Variants in MIPOL1 observed in about 807,000 individuals in gnomAD.
MIPOL1 encodes mirror-image polydactyly gene 1 protein.
Under a neutral mutation model 60.9 loss-of-function variants are expected in MIPOL1, and 57 were observed. That is an observed-to-expected ratio of 0.94 (90% confidence interval 0.76 to 1.17). MIPOL1 has a LOEUF of 1.17. Ranked by LOEUF, MIPOL1 falls within the 50% of genes most tolerant of loss-of-function variation. The probability of loss-of-function intolerance (pLI) is 0.00; values close to 1 mark genes in which losing one functional copy is unlikely to be tolerated. For synonymous variants in MIPOL1, 179 were observed against 168.8 expected (o/e 1.06, Z -0.47); for missense variants, 551 against 511.6 (o/e 1.08, Z -0.74).
At chr14:37,469,334 G>T (rs1291594189) in intron 11 of MIPOL1, among the ~76,000 whole-genome samples, 1 of 152,024 alleles carries the variant, frequency 6.6e-6, no homozygotes, top group African/African-American at 2.4e-5. Context: ...GAGAGCAGGG[G>T]GGTGCTACAT....
intron 9 of MIPOL1, among the ~76,000 whole-genome samples, chr14:37,332,937 G>A (rs560281213): frequency 3.6e-4 from 55 of 152,264 alleles, no homozygotes; most frequent in Non-Finnish European, 5.7e-4. Flanking sequence ...TTGTGGAGAT[G>A]AGTAGCATCC....
Position 37,547,061 on chromosome 14 carries a change from A to ACG in MIPOL1, c.*90_*91insCG. 1 of 1,114,088 alleles carries ACG rather than the reference A, an allele frequency of 9.0e-7. No individual in the cohort carries two copies. The highest frequency in any genetic ancestry group is 1.3e-6 in the Non-Finnish European group (1 of 746,506). The allele number at this position is 1,114,088 out of a possible 1,614,324, so 69.0% of individuals were successfully genotyped here. The stretch of plus-strand genomic sequence containing the variant: ...TGTGTAAACACCAAAGCCTTAACTT[A>ACG]GCAAACAGTTGTTAGAAGTGGGACA... On this transcript the variant is annotated 3_prime_UTR_variant, in exon 13 of 13. Transcript: ENST00000684589.
At chr14:37,220,325 G>A (rs185959251) in intron 1 of MIPOL1, among the ~76,000 whole-genome samples, 5 of 152,062 alleles carry the variant, frequency 3.3e-5, no homozygotes, top group Non-Finnish European at 2.9e-5. Context: ...TTTAAACATC[G>A]AAATTCCTTC....
intron 9 of MIPOL1, among the ~76,000 whole-genome samples, chr14:37,316,028 A>ATT (rs1567432187): frequency 1.9e-4 from 4 of 21,538 alleles, no homozygotes; most frequent in African/African-American, 5.0e-4. Context: ...TTATTTATTT[A>ATT]ATTTTTTTTT....
chr14:37,240,078 G>A (rs75337601), intron 1 of MIPOL1, among the ~76,000 whole-genome samples: 5,207 of 152,198 alleles, frequency 0.034, 230 homozygotes, highest in East Asian at 0.24. Flanking sequence ...GGAGTGTAGT[G>A]TGCAATTATG....
chr14:37,289,043 A>G (rs2084828799), intron 7 of MIPOL1, among the ~76,000 whole-genome samples: 1 of 152,210 alleles, frequency 6.6e-6, no homozygotes, highest in African/African-American at 2.4e-5. Flanking sequence ...TTTTATAGCC[A>G]AAGTGTGCCC....
chr14:37,310,347 A>G (rs2087210889), intron 9 of MIPOL1, among the ~76,000 whole-genome samples: 1 of 151,764 alleles, frequency 6.6e-6, no homozygotes. Flanking sequence ...TTGCTTGTCT[A>G]TTCACTCTCC....
At chr14:37,364,080 C>T (rs1432724075) in intron 9 of MIPOL1, among the ~76,000 whole-genome samples, 2 of 152,228 alleles carry the variant, frequency 1.3e-5, no homozygotes, top group Non-Finnish European at 2.9e-5. Flanking sequence ...CCCCTGACCC[C>T]TTGCGCTTCC....
chr14:37,299,678 A>G (rs2086192158), intron 7 of MIPOL1, among the ~76,000 whole-genome samples: 1 of 152,084 alleles, frequency 6.6e-6, no homozygotes, highest in Non-Finnish European at 1.5e-5. Context: ...TTGCTGCATA[A>G]TCCTCACGAC....
Position 37,317,305 on chromosome 14 carries a change from A to G in MIPOL1, c.828+8786A>G, listed in dbSNP as rs183472445. Among the ~76,000 whole-genome samples the G allele has an allele frequency of 2.2e-3, 336 of 152,316 alleles. 1 individual carries two copies. In the Middle Eastern group the frequency reaches 0.031, roughly 14 times the overall value. ...GAAATCATTGTCTTTGTTTCTATAT[A>G]AATGAACATAACTAGAGAAATGTAG... On this transcript the variant is annotated intron_variant, in intron 9 of 12. Coordinates refer to ENST00000684589, the MANE Select transcript of MIPOL1 (RefSeq NM_001388067.1).
At chr14:37,264,461 G>GAA (rs57621029) in intron 3 of MIPOL1, among the ~76,000 whole-genome samples, 4 of 144,440 alleles carry the variant, frequency 2.8e-5, no homozygotes, top group Admixed American at 2.1e-4. Context: ...CCCCATCTCT[G>GAA]AAAAAAAAAA....
chr14:37,228,608 A>G (rs1970147766), intron 1 of MIPOL1, among the ~76,000 whole-genome samples: 1 of 152,312 alleles, frequency 6.6e-6, no homozygotes, highest in Admixed American at 6.5e-5. Flanking sequence ...TGGGTTACCT[A>G]TGAAATGTAG....
chr14:37,368,688 C>T (rs1486429171), intron 9 of MIPOL1, among the ~76,000 whole-genome samples: 1 of 151,896 alleles, frequency 6.6e-6, no homozygotes, highest in African/African-American at 2.4e-5. Context: ...CATGTGTCTT[C>T]CTATTGTCCT....
At chr14:37,370,483 T>A (rs1035454078) in intron 10 of MIPOL1, among the ~76,000 whole-genome samples, 1 of 152,200 alleles carries the variant, frequency 6.6e-6, no homozygotes, top group Admixed American at 6.5e-5. Context: ...TCTACTTTGC[T>A]GTCTTAAATT....
chr14:37,232,332 T>G (rs923568427), intron 1 of MIPOL1, among the ~76,000 whole-genome samples: 1 of 152,194 alleles, frequency 6.6e-6, no homozygotes. Context: ...ATAGATCAGC[T>G]TAACTGTTTT....
At position 37,270,433 on chromosome 14, in the gene MIPOL1, T is replaced by C; in HGVS notation, c.401T>C (p.Leu134Ser). ...AATGTGCTTTAGCTTCAGCAGAAAT[T>C]GGCTAAAGAAGATAAAGAACAGAGA... ...RTSNKKLQQK[L>S]AKEDKEQRKL... The change falls in exon 6 of 13, where the codon TTG becomes TCG. Residue 134 changes from leucine (L) to serine (S), a missense_variant. Physicochemically the swap from Leu to Ser is moderately radical, Grantham distance 145. Transcript: ENST00000684589. 6.3e-7 allele frequency: 1 copy of C among 1,575,002 alleles called. No homozygotes were observed. The highest frequency in any genetic ancestry group is 1.2e-5 in the South Asian group (1 of 84,900).
chr14:37,284,785 G>A (rs1189617449), intron 6 of MIPOL1, among the ~76,000 whole-genome samples: 2 of 152,198 alleles, frequency 1.3e-5, no homozygotes, highest in African/African-American at 2.4e-5. Context: ...TAAATGCTGG[G>A]TAGTATTCCA....
chr14:37,456,205 G>A (rs771370455), intron 11 of MIPOL1, among the ~76,000 whole-genome samples: 6 of 151,862 alleles, frequency 4.0e-5, no homozygotes, highest in Non-Finnish European at 7.4e-5. Context: ...ATCCAAATTA[G>A]TCTTCTTTCA....
chr14:37,495,399 C>T (rs1265901093), intron 11 of MIPOL1, among the ~76,000 whole-genome samples: 7 of 148,588 alleles, frequency 4.7e-5, no homozygotes, highest in South Asian at 2.1e-4. Context: ...TTTGTTCTTG[C>T]GATAGTTTAC....
Sources: gnomAD v4.1 joint callset for allele counts (sites outside exome capture counted in the v4.1 genomes callset) on GRCh38, gnomAD v4.1.1 for gene constraint, MANE v1.5 for transcripts, NCBI Gene and HGNC (gene_info 2026-07-23, HGNC 2026-07-21) for gene names.